AP4E1: variants seen among roughly 807,000 people sequenced by gnomAD.
AP4E1 encodes adaptor related protein complex 4 subunit epsilon 1, also known as AP-4 complex subunit epsilon-1.
In AP4E1, 56 loss-of-function variants were observed where a neutral mutation model predicts 128.2. That is an observed-to-expected ratio of 0.44 (90% confidence interval 0.35 to 0.55). The LOEUF is 0.55. AP4E1 is among the 20% of genes least tolerant of loss of function. The pLI is 0.00. For synonymous variants in AP4E1, 484 were observed against 473.1 expected (o/e 1.02, Z -0.30); for missense variants, 1,324 against 1,307.7 (o/e 1.01, Z -0.19).
At chr15:50,978,989 C>A (rs1048774906) in intron 15 of AP4E1, among the ~76,000 whole-genome samples, 1 of 152,126 alleles carries the variant, frequency 6.6e-6, no homozygotes, top group Non-Finnish European at 1.5e-5. Context: ...GGAATTGATA[C>A]TTTTTTCTGC....
In AP4E1 at chr15:50,997,618, A is replaced by G; in HGVS notation, c.2639A>G (p.Asn880Ser). The G allele has an allele frequency of 6.2e-7, 1 of 1,614,098 alleles. No homozygotes were observed. The highest frequency in any genetic ancestry group is 8.5e-7 in the Non-Finnish European group (1 of 1,179,994). Residue 880 changes from asparagine to serine, a missense_variant, in exon 18 of 21, where the codon AAT (asparagine) becomes AGT (serine). By Grantham distance (46) the Asn-to-Ser change is conservative (BLOSUM62 1). Coordinates refer to ENST00000261842, the MANE Select transcript of AP4E1 (RefSeq NM_007347.5). ...CTGTCTACACCTTCATTGTTTGCTA[A>G]TAACAACATGGAAATTTTTCACCCT... ...CSLSTPSLFA[N>S]NNMEIFHPPQ...
At chr15:50,957,671 CTTTT>C (rs61656848) in intron 13 of AP4E1, among the ~76,000 whole-genome samples, 50 of 87,998 alleles carry the variant, frequency 5.7e-4, no homozygotes, top group Non-Finnish European at 1.7e-4. Context: ...ACAAGCGTTT[CTTTT>C]TTTTTTTTTT....
At chr15:50,989,896 G>T (rs78059092) in intron 16 of AP4E1, among the ~76,000 whole-genome samples, 1,776 of 152,102 alleles carry the variant, frequency 0.012, 32 homozygotes, top group African/African-American at 0.041. Flanking sequence ...TTCCAAAGAG[G>T]ACCTCAGCTC....
rs746132490 is a variant in AP4E1, at chr15:50,941,541, C to G, written c.1043C>G (p.Pro348Arg). The G allele has an allele frequency of 6.2e-7, 1 of 1,612,782 alleles. No individual in the cohort carries two copies. Among genetic ancestry groups the G allele is most frequent in the African/African-American group, 1.3e-5 (1 of 74,870 alleles). ...TGCATTGGAAAATTTGTTCTGTCAC[C>G]TAAAATAAATCTAAAATATTTAGGT... Reference protein sequence around the residue: ...AKCIGKFVLSPKINLKYLGLK... With the variant: ...AKCIGKFVLSRKINLKYLGLK... The change falls in exon 9 of 21, where the codon CCT becomes CGT. Residue 348 changes from proline (P) to arginine (R), a missense_variant. Pro to Arg is a moderately radical substitution (Grantham distance 103, BLOSUM62 -2). Transcript: ENST00000261842.
rs1439948458 is a variant in AP4E1 at position 50,948,048 on chromosome 15, A to G, written c.1205A>G (p.Asn402Ser). 34 of 1,608,010 alleles carry G rather than the reference A, an allele frequency of 2.1e-5. No homozygotes were observed. The highest frequency in any genetic ancestry group is 2.9e-5 in the Non-Finnish European group (34 of 1,174,868). Residue 402 changes from asparagine (N) to serine (S), a missense_variant, in exon 11 of 21, where the codon AAT (asparagine) becomes AGT (serine). Transcript: ENST00000261842. ...ETLELLYRIT[N>S]AQNITVIVQK... ...CTGGAACTTCTTTACAGAATTACTA[A>G]TGCACAGAATATAACAGTTATTGTC... is the stretch of plus-strand genomic sequence containing the variant.
chr15:50,968,320 G>A lies in AP4E1; in HGVS notation c.1909G>A (p.Ala637Thr). The A allele has an allele frequency of 6.2e-7, 1 of 1,613,750 alleles. No individual in the cohort carries two copies. Among genetic ancestry groups the A allele is most frequent in the South Asian group, 1.1e-5 (1 of 91,046 alleles). ...TGTGGCTGAAGGACTCAGTCAGGGT[G>A]CAGCGCCTTACAAACCTCCCCATCA... ...GFVAEGLSQGAAPYKPPHQRQ... is the reference protein window; with the variant it reads ...GFVAEGLSQGTAPYKPPHQRQ... Residue 637 changes from alanine to threonine, a missense_variant, in exon 15 of 21, where the codon GCA becomes ACA. Physicochemically the swap from Ala to Thr is moderately conservative, Grantham distance 58. Coordinates refer to ENST00000261842, the MANE Select transcript of AP4E1 (RefSeq NM_007347.5).
chr15:50,941,043 T>C (rs1386598662), intron 8 of AP4E1, among the ~76,000 whole-genome samples: 3 of 152,154 alleles, frequency 2.0e-5, no homozygotes, highest in Admixed American at 6.5e-5. Context: ...GTGGGAAATA[T>C]CTTTTTATAT....
chr15:50,965,059 A>G (rs2064371286), intron 14 of AP4E1, among the ~76,000 whole-genome samples: 1 of 151,474 alleles, frequency 6.6e-6, no homozygotes, highest in African/African-American at 2.4e-5. Context: ...CTTCCTCCAT[A>G]AGTAAAAGCT....
chr15:50,941,894 A>G, intron 10 of AP4E1, 119 bp downstream of exon 10: 1 of 746,764 alleles, frequency 1.3e-6, no homozygotes, highest in Non-Finnish European at 2.3e-6. Context: ...TGTATATTTT[A>G]ACTTTTGGGT....
chr15:50,950,703 A>G (rs1166664080), intron 13 of AP4E1, among the ~76,000 whole-genome samples: 1 of 151,888 alleles, frequency 6.6e-6, no homozygotes, highest in African/African-American at 2.4e-5. Context: ...TTTTTGCTGC[A>G]CCTATTAACA....
intron 15 of AP4E1, among the ~76,000 whole-genome samples, chr15:50,980,060 G>T (rs1386346509): frequency 6.6e-6 from 1 of 152,156 alleles, no homozygotes. Flanking sequence ...AAGAAGAGAG[G>T]AGAGCTATAG....
chr15:50,925,914 C>G (rs1254175585), intron 5 of AP4E1, among the ~76,000 whole-genome samples: 2 of 151,440 alleles, frequency 1.3e-5, no homozygotes, highest in Non-Finnish European at 2.9e-5. Context: ...TGTGAACCAC[C>G]ATGCCCGGCC....
chr15:50,943,017 T>G (rs988976792), intron 10 of AP4E1, among the ~76,000 whole-genome samples: 2 of 152,094 alleles, frequency 1.3e-5, no homozygotes, highest in African/African-American at 4.8e-5. Flanking sequence ...ACTGGGTAGG[T>G]AGTTTTTCAA....
At chr15:50,947,415 CAA>C (rs34715973) in intron 10 of AP4E1, among the ~76,000 whole-genome samples, 26,138 of 116,988 alleles carry the variant, frequency 0.22, 2,291 homozygotes, top group South Asian at 0.27. Flanking sequence ...GACCCTGTCT[CAA>C]AAAAAAAAAA....
At chr15:50,996,051 C>T (rs1429625708) in intron 17 of AP4E1, among the ~76,000 whole-genome samples, 4 of 139,284 alleles carry the variant, frequency 2.9e-5, no homozygotes, top group Admixed American at 7.6e-5. Context: ...TGCAGTGTCA[C>T]GATCTCAGCT....
At chr15:50,917,234 T>C (rs2063640561) in intron 3 of AP4E1, among the ~76,000 whole-genome samples, 1 of 152,242 alleles carries the variant, frequency 6.6e-6, no homozygotes, top group South Asian at 2.1e-4. Context: ...ACTTCATCCT[T>C]TTCGTTTCTA....
chr15:50,972,888 A>G (rs752556333), intron 15 of AP4E1, among the ~76,000 whole-genome samples: 1 of 152,240 alleles, frequency 6.6e-6, no homozygotes, highest in Non-Finnish European at 1.5e-5. Flanking sequence ...TTTCTCTCAC[A>G]CAGGACACAG....
At chr15:50,995,515 AG>A (rs1447239261) in intron 17 of AP4E1, among the ~76,000 whole-genome samples, 1 of 150,822 alleles carries the variant, frequency 6.6e-6, no homozygotes, top group Non-Finnish European at 1.5e-5. Flanking sequence ...TCTCCCCAGT[AG>A]CTGGGATTAC....
rs991130873 is a variant in AP4E1 at position 50,908,687 on chromosome 15, C to T, written c.-92C>T. 3 of 1,346,062 alleles carry T rather than the reference C, an allele frequency of 2.2e-6. No individual in the cohort carries two copies. Among genetic ancestry groups the T allele is most frequent in the African/African-American group, 3.1e-5 (2 of 63,892 alleles). The allele number at this position is 1,346,062 out of a possible 1,614,324, so 83.4% of individuals were successfully genotyped here. ...TTTCTTATTCAAAAAACAGGAAGTGCCTACGGAGGCCGGGCCGGCAGCGGC... is the reference window on the plus strand; with the variant it reads ...TTTCTTATTCAAAAAACAGGAAGTGTCTACGGAGGCCGGGCCGGCAGCGGC... On this transcript the variant is annotated 5_prime_UTR_variant, in exon 1 of 21. Transcript: ENST00000261842.
Sources: allele counts gnomAD v4.1 joint callset (sites outside exome capture counted in the v4.1 genomes callset), GRCh38; gene constraint gnomAD v4.1.1; transcripts MANE v1.5; gene names NCBI Gene and HGNC (gene_info 2026-07-23, HGNC 2026-07-21).